The following RHOT2 variants were observed in gnomAD, a reference collection of about 807,000 sequenced individuals.
The protein encoded by RHOT2 is ras homolog family member T2, also known as mitochondrial Rho GTPase 2.
In RHOT2, 90 loss-of-function variants were observed where a neutral mutation model predicts 81.6. That is an observed-to-expected ratio of 1.10 (90% CI 0.93 to 1.31). The LOEUF is 1.31. RHOT2 is among the 40% of genes most tolerant of loss of function. The pLI is 0.00. For missense variants in RHOT2, 1,014 were observed against 841.9 expected (o/e 1.20, Z -2.53); for synonymous variants, 512 against 370.9 (o/e 1.38, Z -4.37).
In RHOT2 at chr16:673,630, C is replaced by A. The variant is rs762303865; in HGVS notation, c.*24C>A. 1 of 1,595,570 alleles carries A rather than the reference C, an allele frequency of 6.3e-7. No homozygotes were observed. The highest frequency in any genetic ancestry group is 1.4e-5 in the African/African-American group (1 of 73,902). Reference sequence around the variant, plus strand: ...GAGGCCCCTGGTACCCAAGCCCCCTCCCCTGACCTGGGTGTGCCTCGCTGC... The same window carrying A: ...GAGGCCCCTGGTACCCAAGCCCCCTACCCTGACCTGGGTGTGCCTCGCTGC... On this transcript the variant is annotated 3_prime_UTR_variant, in exon 19 of 19. Transcript: ENST00000315082.
At position 670,576 on chromosome 16, in the gene RHOT2, C is replaced by T. The variant is rs1358776476; in HGVS notation, c.540+19C>T. On this transcript the variant is annotated intron_variant, in intron 8 of 18. Transcript: ENST00000315082. ...CAAGCAGGTGAGCATCGGCTGGGGC[C>T]CCGCACGCTGGTTCCCCAGGGGCCC... The T allele has an allele frequency of 6.3e-7, 1 of 1,596,478 alleles. No individual in the cohort carries two copies. The highest frequency in any genetic ancestry group is 1.3e-5 in the African/African-American group (1 of 74,572).
In RHOT2 at chr16:672,490, A is replaced by T. The variant is rs2039136793; in HGVS notation, c.1328A>T (p.His443Leu). 1.2e-6 allele frequency: 2 copies of T among 1,612,494 alleles called. No individual in the cohort carries two copies. Among genetic ancestry groups the T allele is most frequent in the African/African-American group, 2.7e-5 (2 of 75,048 alleles). Residue 443 changes from histidine (H) to leucine (L), a missense_variant and splice_region_variant, in exon 16 of 19, where the codon CAC becomes CTC. By Grantham distance (99) the His-to-Leu change is moderately conservative. Coordinates refer to ENST00000315082, the MANE Select transcript of RHOT2 (RefSeq NM_138769.3). Reference protein sequence around the residue: ...LQAFLGRGLGHQDTREQPPGY... With the variant: ...LQAFLGRGLGLQDTREQPPGY... Reference sequence around the variant, plus strand: ...GTGTCAGGACTTCACCTCCCTCAGCACCAGGACACGAGGGAGCAGCCTCCC... The same window carrying T: ...GTGTCAGGACTTCACCTCCCTCAGCTCCAGGACACGAGGGAGCAGCCTCCC...
intron 12 of RHOT2, 29 bp downstream of exon 12, chr16:671,810 G>GGCCCCGCCCCCCC: frequency 6.3e-7 from 1 of 1,586,210 alleles, no homozygotes; most frequent in African/African-American, 1.4e-5. Context: ...CCCTGCCCCT[G>GGCCCCGCCCCCCC]CCCCCGCCCC....
At chr16:669,507 G>A (rs1321904313) in intron 4 of RHOT2, 46 bp from the exon 5 acceptor site, 6 of 1,600,876 alleles carry the variant, frequency 3.7e-6, no homozygotes, top group Non-Finnish European at 4.3e-6. Flanking sequence ...GTCGTCGGTG[G>A]TGAGCCAGCA....
At position 671,655 on chromosome 16, in the gene RHOT2, C is replaced by T. The variant is rs1567249717; in HGVS notation, c.870-42C>T. ...GACAGATGGGCTGAGCGTGGTGCTG[C>T]AGAGTCTCCTGGGAGCTAGACGGGC... On this transcript the variant is annotated intron_variant, in intron 11 of 18. Coordinates refer to ENST00000315082, the MANE Select transcript of RHOT2 (RefSeq NM_138769.3). 1.9e-6 allele frequency: 3 copies of T among 1,586,662 alleles called. No individual in the cohort carries two copies. In the South Asian group the frequency reaches 3.4e-5, roughly 18 times the overall value.
chr16:670,084 G>A (rs201577691), intron 5 of RHOT2, 39 bp from the exon 6 acceptor site: 26 of 1,526,374 alleles, frequency 1.7e-5, no homozygotes, highest in African/African-American at 8.3e-5. Flanking sequence ...CCATGTGCCC[G>A]CGGGCAGCCT....
chr16:671,959 G>A lies in RHOT2; in HGVS notation c.1054G>A (p.Glu352Lys). The A allele has an allele frequency of 6.2e-7, 1 of 1,612,264 alleles. No individual in the cohort carries two copies. Among genetic ancestry groups the A allele is most frequent in the African/African-American group, 1.3e-5 (1 of 75,040 alleles). Residue 352 changes from glutamate to lysine, a missense_variant, in exon 13 of 19, where the codon GAG becomes AAG. Physicochemically the swap from Glu to Lys is moderately conservative, Grantham distance 56. Transcript: ENST00000315082. ...CGAGCTCCCACGCACAGTCCGCACA[G>A]AGGCCGGCCGGTTGCCCCTGCACGG... The part of the protein sequence containing the change: ...GPELPRTVRT[E>K]AGRLPLHGYL...
At chr16:669,767 C>G (rs2038593008) in intron 5 of RHOT2, 161 bp downstream of exon 5, 1 of 716,736 alleles carries the variant, frequency 1.4e-6, no homozygotes, top group African/African-American at 1.7e-5. Flanking sequence ...TCCTGTGATC[C>G]CACTTCCCCT....
At chr16:671,810 G>GCCCCTTCCCCCCC in intron 12 of RHOT2, 29 bp downstream of exon 12, 4 of 1,586,216 alleles carry the variant, frequency 2.5e-6, no homozygotes, top group East Asian at 2.3e-5. Context: ...CCCTGCCCCT[G>GCCCCTTCCCCCCC]CCCCCGCCCC....
chr16:671,983 G>GGATACCTCC lies in RHOT2; in HGVS notation c.1086_1087insCGATACCTC (p.Leu362_Cys363insArgTyrLeu). ...AGAGGCCGGCCGGTTGCCCCTGCAC[G>GGATACCTCC]GATACCTCTGCCAGTGGACGTAAGT... On this transcript the variant is annotated inframe_insertion, in exon 13 of 19. Coordinates refer to ENST00000315082, the MANE Select transcript of RHOT2 (RefSeq NM_138769.3). The GGATACCTCC allele has an allele frequency of 1.2e-6, 2 of 1,611,842 alleles. No individual in the cohort carries two copies. Among genetic ancestry groups the GGATACCTCC allele is most frequent in the Non-Finnish European group, 1.7e-6 (2 of 1,179,548 alleles).
In RHOT2 at chr16:673,955, A is replaced by C. The variant is rs772592587; in HGVS notation, c.*349A>C. 4 of 505,370 alleles carry C rather than the reference A, an allele frequency of 7.9e-6. No individual in the cohort carries two copies. Among genetic ancestry groups the C allele is most frequent in the Non-Finnish European group, 1.1e-5 (3 of 261,130 alleles). 31.3% of individuals were successfully genotyped at this position (505,370 alleles called of 1,614,324 possible). A position where few individuals can be genotyped will look rare whatever the true frequency, so the allele number is the denominator to read the frequency against. Reference sequence around the variant, plus strand: ...CCAGACCCAGAATTCTCAGGGCTCTACCCCCCTTTCCTGGTCCTAGGTGGC... The same window carrying C: ...CCAGACCCAGAATTCTCAGGGCTCTCCCCCCCTTTCCTGGTCCTAGGTGGC... On this transcript the variant is annotated 3_prime_UTR_variant, in exon 19 of 19. Coordinates refer to ENST00000315082, the MANE Select transcript of RHOT2 (RefSeq NM_138769.3).
intron 11 of RHOT2, 30 bp downstream of exon 11, chr16:671,233 C>T (rs1198012668): frequency 4.3e-5 from 66 of 1,524,204 alleles, no homozygotes; most frequent in Non-Finnish European, 5.5e-5. Flanking sequence ...GAGGCCTGCC[C>T]TCCCCGAGGG....
chr16:672,435 G>C, intron 15 of RHOT2, 51 bp downstream of exon 15: 2 of 1,609,792 alleles, frequency 1.2e-6, no homozygotes, highest in Non-Finnish European at 8.5e-7. Flanking sequence ...GGGCAGGGCA[G>C]GGCAATCTGG....
intron 1 of RHOT2, 23 bp from the exon 2 acceptor site, chr16:668,330 G>T (rs1338754053): frequency 9.4e-6 from 13 of 1,381,756 alleles, no homozygotes; most frequent in Non-Finnish European, 1.2e-5. Flanking sequence ...TGGCCCTCGC[G>T]CTGACCGCCT....
In RHOT2 at chr16:672,791, C is replaced by G. The variant is rs149332369; in HGVS notation, c.1493C>G (p.Pro498Arg). The change falls in exon 17 of 19, where the codon CCA becomes CGA. Residue 498 changes from proline to arginine, a missense_variant. By Grantham distance (103) the Pro-to-Arg change is moderately radical (BLOSUM62 -2). Transcript: ENST00000315082. ...TGCTTGATGTTTGATGGCAGTGACC[C>G]AAAGTCCTTTGCACATTGTGCCAGC... is the stretch of plus-strand genomic sequence containing the variant. The part of the protein sequence containing the change: ...VACLMFDGSD[P>R]KSFAHCASVY... The G allele has an allele frequency of 6.2e-7, 1 of 1,612,724 alleles. No individual in the cohort carries two copies. Among genetic ancestry groups the G allele is most frequent in the East Asian group, 2.2e-5 (1 of 44,878 alleles).
chr16:670,914 T>A lies in RHOT2; in HGVS notation c.662T>A (p.Leu221Gln), dbSNP rs760466475. The A allele has an allele frequency of 5.1e-6, 8 of 1,570,636 alleles. No homozygotes were observed. Among genetic ancestry groups the A allele is most frequent in the Non-Finnish European group, 6.9e-6 (8 of 1,154,690 alleles). ...CAGAAATCCTGCTTTGGGCACCCCC[T>A]GGCCCCGCAGGCCCTGGAGGACGTG... is the stretch of plus-strand genomic sequence containing the variant. ...AFQKSCFGHPLAPQALEDVKT... is the reference protein window; with the variant it reads ...AFQKSCFGHPQAPQALEDVKT... The change falls in exon 10 of 19, where the codon CTG becomes CAG. Residue 221 changes from leucine (L) to glutamine (Q), a missense_variant. Leu to Gln is a moderately radical substitution (Grantham distance 113). Coordinates refer to ENST00000315082, the MANE Select transcript of RHOT2 (RefSeq NM_138769.3).
intron 5 of RHOT2, 27 bp downstream of exon 5, chr16:669,633 G>T: frequency 1.9e-6 from 3 of 1,609,302 alleles, no homozygotes; most frequent in Non-Finnish European, 2.5e-6. Flanking sequence ...GACCCCAACA[G>T]CAGAGACACA....
chr16:672,385 G>T lies in RHOT2; in HGVS notation c.1326+1G>T, dbSNP rs780621545. ...GGCCTTTCTCGGCCGCGGCCTGGGGGTAAGCACCCTAGACTCCCCCACCAC... is the reference window on the plus strand; with the variant it reads ...GGCCTTTCTCGGCCGCGGCCTGGGGTTAAGCACCCTAGACTCCCCCACCAC... On this transcript the variant is annotated splice_donor_variant, in intron 15 of 18. Coordinates refer to ENST00000315082, the MANE Select transcript of RHOT2 (RefSeq NM_138769.3). LOFTEE classifies it high-confidence loss of function. The T allele has an allele frequency of 6.2e-7, 1 of 1,609,358 alleles. No homozygotes were observed. The highest frequency in any genetic ancestry group is 2.2e-5 in the East Asian group (1 of 44,820).
intron 11 of RHOT2, among the ~76,000 whole-genome samples, chr16:671,470 C>T (rs1019760980): frequency 2.0e-5 from 3 of 152,176 alleles, no homozygotes; most frequent in East Asian, 1.9e-4. Context: ...CTGCTGGGGT[C>T]GGCAGCTTGG....
Sources: allele counts gnomAD v4.1 joint callset (sites outside exome capture counted in the v4.1 genomes callset), GRCh38; gene constraint gnomAD v4.1.1; transcripts MANE v1.5; gene names NCBI Gene and HGNC (gene_info 2026-07-23, HGNC 2026-07-21).